The following CCPG1 variants were observed in gnomAD, a reference collection of about 807,000 sequenced individuals.
The protein encoded by CCPG1 is cell cycle progression protein 1.
CCPG1 carries 46 observed loss-of-function variants against 81.3 expected under a neutral mutation model. The observed-to-expected ratio is 0.57, with a 90% CI of 0.45 to 0.72. The LOEUF is 0.72. CCPG1 is among the 30% of genes least tolerant of loss of function. CCPG1 has a pLI of 0.00. For synonymous variants in CCPG1, 330 were observed against 305.2 expected (o/e 1.08, Z -0.85); for missense variants, 902 against 937.6 (o/e 0.96, Z 0.50).
At position 55,361,460 on chromosome 15, in the gene CCPG1, C is replaced by T. The variant is rs1357359868; in HGVS notation, c.829-516G>A. ...CGGTGGCTCATGCCTGTAATCCCAGCACTTTGGGAGGCTGAGGTGGGTGGA... is the reference window on the plus strand; with the variant it reads ...CGGTGGCTCATGCCTGTAATCCCAGTACTTTGGGAGGCTGAGGTGGGTGGA... On this transcript the variant is annotated intron_variant, in intron 7 of 8. Coordinates refer to ENST00000442196, the MANE Select transcript of CCPG1 (RefSeq NM_001204450.2). 3.3e-5 allele frequency among the ~76,000 whole-genome samples: 5 copies of T among 151,764 alleles called. No homozygotes were observed. In the East Asian group the frequency reaches 9.9e-4, roughly 30 times the overall value.
intron 1 of CCPG1, among the ~76,000 whole-genome samples, chr15:55,392,021 T>G (rs910219906): frequency 7.3e-6 from 1 of 136,360 alleles, no homozygotes; most frequent in African/African-American, 3.0e-5. Context: ...AAACGATTTC[T>G]GATTCCTAAA....
At chr15:55,383,455 G>A (rs2056741143) in intron 3 of CCPG1, among the ~76,000 whole-genome samples, 1 of 152,176 alleles carries the variant, frequency 6.6e-6, no homozygotes, top group Non-Finnish European at 1.5e-5. Flanking sequence ...AAAGTCACCA[G>A]CTACATTTGC....
At chr15:55,379,489 T>C (rs1300948761) in intron 3 of CCPG1, among the ~76,000 whole-genome samples, 2 of 152,060 alleles carry the variant, frequency 1.3e-5, no homozygotes, top group Non-Finnish European at 2.9e-5. Context: ...ATCATGCCAC[T>C]GCACTCCAGC....
chr15:55,363,722 G>A (rs1459293363), intron 7 of CCPG1, among the ~76,000 whole-genome samples: 1 of 148,252 alleles, frequency 6.7e-6, no homozygotes, highest in African/African-American at 2.5e-5. Context: ...TGTAAGGGAA[G>A]CATACATAAA....
At position 55,361,630 on chromosome 15, in the gene CCPG1, C is replaced by T. The variant is rs138052770; in HGVS notation, c.829-686G>A. On this transcript the variant is annotated intron_variant, in intron 7 of 8. Coordinates refer to ENST00000442196, the MANE Select transcript of CCPG1 (RefSeq NM_001204450.2). ...ATGAGGCAGGGGAATCGCTTGAACC[C>T]GGGAGGCGAATGTTGCAGTGAGCCG... Among the ~76,000 whole-genome samples the T allele has an allele frequency of 7.9e-3, 1,191 of 151,314 alleles. 13 individuals carry two copies. Among genetic ancestry groups the T allele is most frequent in the African/African-American group, 0.027 (1,118 of 41,228 alleles).
intron 1 of CCPG1, among the ~76,000 whole-genome samples, chr15:55,397,349 T>G (rs200298594): frequency 6.6e-6 from 1 of 152,038 alleles, no homozygotes; most frequent in East Asian, 1.9e-4. Flanking sequence ...GAACTAAAAG[T>G]CACAGAAGCG....
At chr15:55,400,541 T>G (rs1367938643) in intron 1 of CCPG1, among the ~76,000 whole-genome samples, 3 of 149,578 alleles carry the variant, frequency 2.0e-5, no homozygotes, top group African/African-American at 7.5e-5. Flanking sequence ...CACACTCCAG[T>G]GAAACTCCAT....
At chr15:55,356,660 A>G (rs1161161925) in intron 8 of CCPG1, 1 of 1,187,072 alleles carries the variant, frequency 8.4e-7, no homozygotes, top group East Asian at 3.9e-5. Context: ...TAACAAAGAA[A>G]AGAAATGTGA....
chr15:55,401,845 C>A (rs555173299), intron 1 of CCPG1, among the ~76,000 whole-genome samples: 1 of 152,178 alleles, frequency 6.6e-6, no homozygotes, highest in African/African-American at 2.4e-5. Flanking sequence ...CACTGAAAAA[C>A]TCCCACTATC....
chr15:55,373,459 CT>C (rs775861570), intron 5 of CCPG1, among the ~76,000 whole-genome samples: 5 of 152,140 alleles, frequency 3.3e-5, no homozygotes, highest in Non-Finnish European at 7.3e-5. Flanking sequence ...ATTCAGTTCA[CT>C]TTCACACTTA....
Position 55,360,759 on chromosome 15 carries a change from C to T in CCPG1, c.1014G>A (p.Leu338=). Residue 338 remains leucine, a synonymous_variant, in exon 8 of 9, where the codon TTG becomes TTA. Coordinates refer to ENST00000442196, the MANE Select transcript of CCPG1 (RefSeq NM_001204450.2). ...ATTCAGTACTTGTCCCTTTATCTTC[C>T]AATATTCTAATCTGTTCTCTTAGTT... ...LNKLREQIRI[L]EDKGTSTELV... is the part of the protein sequence containing the mutation. 1 of 1,611,502 alleles carries T rather than the reference C, an allele frequency of 6.2e-7. No individual in the cohort carries two copies. Among genetic ancestry groups the T allele is most frequent in the Non-Finnish European group, 8.5e-7 (1 of 1,179,396 alleles).
chr15:55,379,033 T>C (rs1181038522), intron 3 of CCPG1, among the ~76,000 whole-genome samples: 1 of 151,948 alleles, frequency 6.6e-6, no homozygotes, highest in African/African-American at 2.4e-5. Flanking sequence ...TAGTGATACA[T>C]TTCCTGAATT....
At chr15:55,361,317 G>C (rs928899869) in intron 7 of CCPG1, among the ~76,000 whole-genome samples, 1 of 151,622 alleles carries the variant, frequency 6.6e-6, no homozygotes, top group Non-Finnish European at 1.5e-5. Context: ...ATGAACCACC[G>C]CGCCTGGCTG....
intron 7 of CCPG1, among the ~76,000 whole-genome samples, chr15:55,361,521 C>T (rs533725358): frequency 2.6e-5 from 4 of 151,526 alleles, no homozygotes; most frequent in South Asian, 2.1e-4. Context: ...TCCTGGCCTA[C>T]GTGGTGAAAC....
chr15:55,372,767 G>T (rs897622425), intron 5 of CCPG1: 8 of 293,456 alleles, frequency 2.7e-5, no homozygotes, highest in African/African-American at 1.4e-4. Flanking sequence ...TAATTTAAGT[G>T]CAACTATTTA....
intron 1 of CCPG1, among the ~76,000 whole-genome samples, chr15:55,397,998 A>AAG (rs1308985674): frequency 1.8e-5 from 2 of 110,706 alleles, no homozygotes; most frequent in Non-Finnish European, 4.0e-5. Context: ...AGAAGAAGAA[A>AAG]AGGAAACCAG....
At chr15:55,367,088 G>A (rs79356007) in intron 6 of CCPG1, among the ~76,000 whole-genome samples, 5,562 of 152,242 alleles carry the variant, frequency 0.037, 103 homozygotes, top group African/African-American at 0.05. Flanking sequence ...CTGTTACATA[G>A]TCTAGCTATG....
In CCPG1 at chr15:55,359,672, C is replaced by T; in HGVS notation, c.2101G>A (p.Val701Ile). The T allele has an allele frequency of 6.2e-7, 1 of 1,613,450 alleles. No homozygotes were observed. The highest frequency in any genetic ancestry group is 1.7e-5 in the Admixed American group (1 of 59,986). ...CTAAGATAATCTTTAACATCATTAA[C>T]AAAGTCAGTGAAGAGCTTCTGATCA... ...IHDQKLFTDF[V>I]NDVKDYLRNM... Residue 701 changes from valine to isoleucine, a missense_variant, in exon 8 of 9, where the codon GTT becomes ATT. Transcript: ENST00000442196.
At chr15:55,382,216 T>G (rs56368121) in intron 3 of CCPG1, among the ~76,000 whole-genome samples, 6,516 of 151,988 alleles carry the variant, frequency 0.043, 486 homozygotes, top group African/African-American at 0.15. Flanking sequence ...TGACTCTCCT[T>G]TCATGAAAGA....
Sources: gnomAD v4.1 joint callset for allele counts (sites outside exome capture counted in the v4.1 genomes callset) on GRCh38, gnomAD v4.1.1 for gene constraint, MANE v1.5 for transcripts, NCBI Gene and HGNC (gene_info 2026-07-23, HGNC 2026-07-21) for gene names.